DISC1: variants seen among roughly 807,000 people sequenced by gnomAD.
DISC1 encodes DISC1 scaffold protein, also known as disrupted in schizophrenia 1 protein.
In DISC1, 57 loss-of-function variants were observed where a neutral mutation model predicts 84.5. The ratio of observed to expected loss-of-function variants is 0.67; its 90% confidence interval spans 0.55 to 0.84. The LOEUF is 0.84. Ranked by LOEUF, DISC1 falls within the 40% of genes least tolerant of loss-of-function variation. The pLI is 0.00. For synonymous variants in DISC1, 411 were observed against 415.2 expected, an observed-to-expected ratio of 0.99 and a Z score of 0.12; for missense variants, 1,000 against 1,057.8, an observed-to-expected ratio of 0.95 and a Z score of 0.76.
chr1:231,689,484 A>G (rs1977795), intron 1 of DISC1, among the ~76,000 whole-genome samples: 13,918 of 151,934 alleles, frequency 0.092, 1,763 homozygotes, highest in African/African-American at 0.28. Context: ...GGTGTGCACC[A>G]CCACGCCAGG....
intron 7 of DISC1, among the ~76,000 whole-genome samples, chr1:231,797,459 C>T (rs909476321): frequency 6.6e-6 from 1 of 152,062 alleles, no homozygotes; most frequent in Non-Finnish European, 1.5e-5. Flanking sequence ...GATTAGGGTT[C>T]CAGCATGGCT....
At chr1:231,978,163 A>C (rs917958647) in intron 10 of DISC1, among the ~76,000 whole-genome samples, 1 of 152,134 alleles carries the variant, frequency 6.6e-6, no homozygotes, top group African/African-American at 2.4e-5. Context: ...TATGGCCAAG[A>C]ATGCTTCATC....
chr1:231,933,096 G>A (rs1212834699), intron 9 of DISC1, among the ~76,000 whole-genome samples: 1 of 152,196 alleles, frequency 6.6e-6, no homozygotes, highest in East Asian at 1.9e-4. Flanking sequence ...GTTAACCATT[G>A]TCGAGTACCC....
chr1:231,733,428 A>G (rs1048503839), intron 3 of DISC1, among the ~76,000 whole-genome samples: 3 of 146,048 alleles, frequency 2.1e-5, no homozygotes, highest in African/African-American at 5.1e-5. Context: ...TGGTGGTTGT[A>G]GGAATGGTGG....
At position 231,825,253 on chromosome 1, in the gene DISC1, A is replaced by C. The variant is rs192303804; in HGVS notation, c.1981+6736A>C. 4.1e-3 allele frequency among the ~76,000 whole-genome samples: 625 copies of C among 152,270 alleles called. 4 individuals are homozygous for C. Among genetic ancestry groups the C allele is most frequent in the Non-Finnish European group, 7.3e-3 (499 of 68,028 alleles). On this transcript the variant is annotated intron_variant, in intron 9 of 12. Coordinates refer to ENST00000439617, the MANE Select transcript of DISC1 (RefSeq NM_018662.3). ...TTACCCCCTGGGTGGAAATACAATGATGTTTTCAATTATATTTCATACCAA... is the reference window on the plus strand; with the variant it reads ...TTACCCCCTGGGTGGAAATACAATGCTGTTTTCAATTATATTTCATACCAA...
chr1:231,693,961 C>T lies in DISC1; in HGVS notation c.203C>T (p.Pro68Leu). 2 of 1,614,066 alleles carry T rather than the reference C, an allele frequency of 1.2e-6. No individual in the cohort carries two copies. The highest frequency in any genetic ancestry group is 1.7e-6 in the Non-Finnish European group (2 of 1,179,972). ...SPAVGTLFRF[P>L]GGVSGEESHH... ...GCAGTGGGCACACTGTTCCGGTTCC[C>T]AGGAGGGGTGTCTGGCGAGGAGTCC... The change falls in exon 2 of 13, where the codon CCA becomes CTA. Residue 68 changes from proline to leucine, a missense_variant. By Grantham distance (98) the Pro-to-Leu change is moderately conservative (BLOSUM62 -3). This residue lies in a region of DISC1 where 292 missense variants were observed against 280.2 expected (regional missense o/e 1.04). Coordinates refer to ENST00000439617, the MANE Select transcript of DISC1 (RefSeq NM_018662.3).
chr1:231,724,486 C>T (rs1388609890), intron 3 of DISC1, among the ~76,000 whole-genome samples: 1 of 152,190 alleles, frequency 6.6e-6, no homozygotes. Flanking sequence ...AAGCCCTTCA[C>T]CCAGGAGAGG....
chr1:231,793,488 G>A (rs946747330), intron 6 of DISC1, among the ~76,000 whole-genome samples: 1 of 152,096 alleles, frequency 6.6e-6, no homozygotes, highest in African/African-American at 2.4e-5. Context: ...TAGAATGGAT[G>A]TTCTCACTGC....
chr1:231,961,450 G>A (rs901551877), intron 10 of DISC1, among the ~76,000 whole-genome samples: 1 of 152,126 alleles, frequency 6.6e-6, no homozygotes, highest in Non-Finnish European at 1.5e-5. Flanking sequence ...TGTATCGTGC[G>A]ATGCTGAGGT....
intron 9 of DISC1, among the ~76,000 whole-genome samples, chr1:231,858,195 C>A (rs2084398430): frequency 2.0e-5 from 3 of 152,220 alleles, no homozygotes. Context: ...AATTTCTTGT[C>A]TTGTCTTCCA....
intron 10 of DISC1, among the ~76,000 whole-genome samples, chr1:231,994,990 G>A (rs1044994285): frequency 8.5e-5 from 13 of 152,180 alleles, no homozygotes; most frequent in African/African-American, 2.2e-4. Context: ...CATGTTCCTC[G>A]TTAAATACTC....
chr1:231,907,060 T>TTCCTTCCTTTCCTCCCTC (rs2088745473), intron 9 of DISC1, among the ~76,000 whole-genome samples: 2 of 131,398 alleles, frequency 1.5e-5, no homozygotes, highest in African/African-American at 5.9e-5. Flanking sequence ...CTCCCTCCCT[T>TTCCTTCCTTTCCTCCCTC]CCTTCCTTCC....
Position 231,974,058 on chromosome 1 carries a change from G to A in DISC1, c.2042+15170G>A, listed in dbSNP as rs146635658. On this transcript the variant is annotated intron_variant, in intron 10 of 12. Coordinates refer to ENST00000439617, the MANE Select transcript of DISC1 (RefSeq NM_018662.3). Reference sequence around the variant, plus strand: ...TTATGTTTGCAACATGGTATTTCTTGCAGCCATACTCCTCAAGTCACCATC... The same window carrying A: ...TTATGTTTGCAACATGGTATTTCTTACAGCCATACTCCTCAAGTCACCATC... Among the ~76,000 whole-genome samples, 655 of 151,834 alleles carry A rather than the reference G, an allele frequency of 4.3e-3. 15 individuals are homozygous for A. The South Asian group carries it at 0.071, about 16-fold the overall frequency.
At chr1:231,913,622 C>T (rs1299692126) in intron 9 of DISC1, among the ~76,000 whole-genome samples, 1 of 152,198 alleles carries the variant, frequency 6.6e-6, no homozygotes, top group Non-Finnish European at 1.5e-5. Flanking sequence ...CCTCTCGTGC[C>T]TTGCCCTGGT....
intron 9 of DISC1, among the ~76,000 whole-genome samples, chr1:231,904,300 T>C (rs1437587837): frequency 6.6e-6 from 1 of 152,208 alleles, no homozygotes; most frequent in Non-Finnish European, 1.5e-5. Flanking sequence ...TTCTCTCTCT[T>C]CCTTTTTTCT....
rs1468162891 is a variant in DISC1 at position 231,702,172 on chromosome 1, G to GCA, written c.1117+149_1117+150dup. ...CCAGGGAATAGTTGACTCTTTTACA[G>GCA]CATTATTGTTTTGTAGATTTCAAAG... On this transcript the variant is annotated intron_variant, in intron 3 of 12. Transcript: ENST00000439617. 2.4e-5 allele frequency: 34 copies of GCA among 1,409,724 alleles called. No individual in the cohort carries two copies. The East Asian group carries it at 8.8e-4, about 36-fold the overall frequency. The allele number at this position is 1,409,724 out of a possible 1,614,324, so 87.3% of individuals were successfully genotyped here. A position where few individuals can be genotyped will look rare whatever the true frequency, so the allele number is the denominator to read the frequency against.
At chr1:231,737,474 A>G (rs1306871377) in intron 3 of DISC1, among the ~76,000 whole-genome samples, 2 of 152,268 alleles carry the variant, frequency 1.3e-5, no homozygotes, top group African/African-American at 4.8e-5. Context: ...AATCACATTA[A>G]CAATGTCTAG....
intron 9 of DISC1, among the ~76,000 whole-genome samples, chr1:231,890,429 A>T (rs1209851755): frequency 6.6e-5 from 10 of 152,240 alleles, no homozygotes; most frequent in Admixed American, 6.5e-4. Context: ...GAAAAGGCAC[A>T]TCACTGGTTT....
chr1:232,032,944 G>T (rs1206781517), intron 12 of DISC1, among the ~76,000 whole-genome samples: 1 of 152,164 alleles, frequency 6.6e-6, no homozygotes, highest in African/African-American at 2.4e-5. Context: ...TTAAGATCTT[G>T]CTTAGATGTA....
Sources: gnomAD v4.1 joint callset for allele counts (sites outside exome capture counted in the v4.1 genomes callset) on GRCh38, gnomAD v4.1.1 for gene constraint, gnomAD v4.1.1 regional missense constraint, MANE v1.5 for transcripts, NCBI Gene and HGNC (gene_info 2026-07-23, HGNC 2026-07-21) for gene names.